HEATR5B: variants seen among roughly 807,000 people sequenced by gnomAD.
The protein encoded by HEATR5B is HEAT repeat containing 5B, also known as HEAT repeat-containing protein 5B.
Under a neutral mutation model 224.1 loss-of-function variants are expected in HEATR5B, and 156 were observed. The observed-to-expected ratio is 0.70, with a 90% confidence interval of 0.61 to 0.80. The LOEUF (loss-of-function observed/expected upper bound fraction) is 0.80, where lower values mean the gene tolerates loss of function less well. HEATR5B is among the 30% of genes least tolerant of loss of function. HEATR5B has a pLI of 0.00. For synonymous variants in HEATR5B, 1,027 were observed against 893.0 expected (o/e 1.15, Z -2.68); for missense variants, 2,323 against 2,535.5 (o/e 0.92, Z 1.80).
At chr2:37,057,629 G>A in intron 14 of HEATR5B, 149 bp from the exon 15 acceptor site, 1 of 543,978 alleles carries the variant, frequency 1.8e-6, no homozygotes, top group East Asian at 3.2e-5. Context: ...TTTAAATGCT[G>A]GTTTTAATAT....
At chr2:36,990,109 C>A (rs1041909918) in intron 34 of HEATR5B, among the ~76,000 whole-genome samples, 4 of 151,604 alleles carry the variant, frequency 2.6e-5, no homozygotes, top group Admixed American at 2.6e-4. Flanking sequence ...TCACTACAGG[C>A]TGGTCTCGAA....
chr2:37,013,049 C>G (rs1667887551), intron 27 of HEATR5B, among the ~76,000 whole-genome samples: 1 of 143,578 alleles, frequency 7.0e-6, no homozygotes. Context: ...TGAAGCTAAA[C>G]AACACTTTGT....
chr2:37,059,101 AG>A, intron 12 of HEATR5B, 114 bp from the exon 13 acceptor site: 1 of 553,206 alleles, frequency 1.8e-6, no homozygotes, highest in Non-Finnish European at 3.0e-6. Context: ...ATAACGTATA[AG>A]GTTCTGAAAC....
intron 33 of HEATR5B, among the ~76,000 whole-genome samples, chr2:36,992,739 AT>A (rs942544837): frequency 5.9e-4 from 90 of 151,474 alleles, no homozygotes; most frequent in African/African-American, 2.1e-3. Flanking sequence ...TTTAAAAATT[AT>A]TTTTTTTTCT....
In HEATR5B at chr2:37,008,613, T is replaced by C; in HGVS notation, c.4520A>G (p.Asp1507Gly). The C allele has an allele frequency of 2.5e-6, 4 of 1,604,586 alleles. No individual in the cohort carries two copies. Among genetic ancestry groups the C allele is most frequent in the Non-Finnish European group, 2.6e-6 (3 of 1,171,292 alleles). Residue 1507 changes from aspartate (D) to glycine (G), a missense_variant and splice_region_variant, in exon 28 of 36, where the codon GAT (aspartate) becomes GGT (glycine). Asp to Gly is a moderately conservative substitution (Grantham distance 94). Around this residue, in one of 12 missense-constraint regions of HEATR5B, gnomAD observed 844 missense variants for 812.9 expected, o/e 1.04. Transcript: ENST00000233099. Reference sequence around the variant, plus strand: ...AAAACTCAGAATGTAATACTCACCATCTGGAGGAAGCTGACTAGAAAATTC... The same window carrying C: ...AAAACTCAGAATGTAATACTCACCACCTGGAGGAAGCTGACTAGAAAATTC... The part of the protein sequence containing the change: ...PAEFSSQLPP[D>G]GGAFYTPETI...
At chr2:37,007,897 T>C (rs1382161068) in intron 28 of HEATR5B, among the ~76,000 whole-genome samples, 2 of 152,214 alleles carry the variant, frequency 1.3e-5, no homozygotes, top group Non-Finnish European at 2.9e-5. Context: ...TCTTCATTGT[T>C]GCCAGTGGCT....
At chr2:37,042,962 T>A (rs545411841) in intron 18 of HEATR5B, among the ~76,000 whole-genome samples, 1 of 150,030 alleles carries the variant, frequency 6.7e-6, no homozygotes, top group Non-Finnish European at 1.5e-5. Context: ...ACCACACCCA[T>A]CAATTTGAGA....
Position 37,020,757 on chromosome 2 carries a change from T to A in HEATR5B, c.3933A>T (p.Arg1311=). The A allele has an allele frequency of 6.2e-7, 1 of 1,610,956 alleles. No homozygotes were observed. Among genetic ancestry groups the A allele is most frequent in the Non-Finnish European group, 8.5e-7 (1 of 1,179,422 alleles). The part of the protein sequence containing the change: ...MAATDHSNQL[R]MAGLQALEDI... ...CTTCAAGCGCCTGGAGCCCAGCCATTCGCAGCTGGTTGCTATGATCAGTTG... is the reference window on the plus strand; with the variant it reads ...CTTCAAGCGCCTGGAGCCCAGCCATACGCAGCTGGTTGCTATGATCAGTTG... The change falls in exon 25 of 36, where the codon CGA becomes CGT. Residue 1311 remains arginine (R), a synonymous_variant. Coordinates refer to ENST00000233099, the MANE Select transcript of HEATR5B (RefSeq NM_019024.3).
At chr2:37,072,704 T>A (rs191038428) in intron 5 of HEATR5B, among the ~76,000 whole-genome samples, 1 of 152,036 alleles carries the variant, frequency 6.6e-6, no homozygotes, top group Non-Finnish European at 1.5e-5. Flanking sequence ...CAAAGCTGCT[T>A]CTTTAAGAAG....
At position 37,032,524 on chromosome 2, in the gene HEATR5B, C is replaced by T. The variant is rs990111626; in HGVS notation, c.3361+105G>A. On this transcript the variant is annotated intron_variant, in intron 22 of 35. Coordinates refer to ENST00000233099, the MANE Select transcript of HEATR5B (RefSeq NM_019024.3). ...AATGGTTTTATTTCAAAGAATAAGACATCTGGCCACATTGCAACAGAAAAA... is the reference window on the plus strand; with the variant it reads ...AATGGTTTTATTTCAAAGAATAAGATATCTGGCCACATTGCAACAGAAAAA... 4 of 878,844 alleles carry T rather than the reference C, an allele frequency of 4.6e-6. No homozygotes were observed. In the African/African-American group the frequency reaches 5.1e-5, roughly 11 times the overall value. The allele number at this position is 878,844 out of a possible 1,614,324, so 54.4% of individuals were successfully genotyped here. A position where few individuals can be genotyped will look rare whatever the true frequency, so the allele number is the denominator to read the frequency against.
chr2:36,985,998 C>T (rs1665927694), intron 35 of HEATR5B, among the ~76,000 whole-genome samples: 1 of 151,990 alleles, frequency 6.6e-6, no homozygotes, highest in Admixed American at 6.6e-5. Context: ...AAGTTCCCTT[C>T]CCTATCTGTC....
rs550410665 is a variant in HEATR5B, at chr2:37,041,381, T to C, written c.2697-89A>G. On this transcript the variant is annotated intron_variant, in intron 18 of 35. Coordinates refer to ENST00000233099, the MANE Select transcript of HEATR5B (RefSeq NM_019024.3). ...TAAGTCACACAAAAACTGGGATTTA[T>C]TGGGGAAATAAGAAAAGATTATAAT... 430 of 1,206,654 alleles carry C rather than the reference T, an allele frequency of 3.6e-4. 4 individuals carry two copies. The African/African-American group carries it at 6.2e-3, about 18-fold the overall frequency. 74.7% of individuals were successfully genotyped at this position (1,206,654 alleles called of 1,614,324 possible).
intron 7 of HEATR5B, among the ~76,000 whole-genome samples, chr2:37,069,886 G>A (rs184136265): frequency 1.8e-4 from 26 of 141,064 alleles, no homozygotes; most frequent in African/African-American, 6.6e-4. Context: ...TTTCACAAGT[G>A]ATATGAACAA....
Position 37,007,260 on chromosome 2 carries a change from G to C in HEATR5B, c.4567C>G (p.His1523Asp). The change falls in exon 29 of 36, where the codon CAC becomes GAC. Residue 1523 changes from histidine to aspartate, a missense_variant. Coordinates refer to ENST00000233099, the MANE Select transcript of HEATR5B (RefSeq NM_019024.3). ...ATTGGGGCCCAGGAATTCCGATAGT[G>C]AAGTCTAGCTGTATCAATAGTTTCA... ...TPETIDTARL[H>D]YRNSWAPILH... 6.2e-7 allele frequency: 1 copy of C among 1,613,026 alleles called. No homozygotes were observed. The highest frequency in any genetic ancestry group is 8.5e-7 in the Non-Finnish European group (1 of 1,179,630).
At chr2:37,083,512 C>G (rs1672754835) in intron 1 of HEATR5B, 76 bp from the exon 2 acceptor site, 1 of 1,066,440 alleles carries the variant, frequency 9.4e-7, no homozygotes, top group Non-Finnish European at 1.4e-6. Flanking sequence ...AATATACTCA[C>G]TAAGAAAAGT....
At chr2:37,082,605 T>G (rs1672659013) in intron 2 of HEATR5B, among the ~76,000 whole-genome samples, 1 of 152,220 alleles carries the variant, frequency 6.6e-6, no homozygotes, top group Admixed American at 6.5e-5. Flanking sequence ...ATCTGCGCCT[T>G]AAGGGCATGT....
intron 7 of HEATR5B, among the ~76,000 whole-genome samples, chr2:37,069,281 A>C (rs1271695747): frequency 2.0e-5 from 3 of 152,004 alleles, no homozygotes; most frequent in East Asian, 3.9e-4. Context: ...GAGCTATAAA[A>C]CCCTTACGTA....
chr2:37,053,392 A>G (rs1440272441), intron 17 of HEATR5B, 110 bp downstream of exon 17: 8 of 480,590 alleles, frequency 1.7e-5, no homozygotes, highest in Non-Finnish European at 2.9e-5. Context: ...GTAAAGGCAC[A>G]GTTACCAAGT....
chr2:37,044,779 G>C (rs1016216946), intron 18 of HEATR5B, among the ~76,000 whole-genome samples: 1 of 152,150 alleles, frequency 6.6e-6, no homozygotes. Flanking sequence ...TTATATGCAT[G>C]TTACACAGCT....
Sources: gnomAD v4.1 joint callset for allele counts (sites outside exome capture counted in the v4.1 genomes callset) on GRCh38, gnomAD v4.1.1 for gene constraint, gnomAD v4.1.1 regional missense constraint, MANE v1.5 for transcripts, NCBI Gene and HGNC (gene_info 2026-07-23, HGNC 2026-07-21) for gene names.